WDR70: variants seen among roughly 807,000 people sequenced by gnomAD.
The protein encoded by WDR70 is WD repeat-containing protein 70.
In WDR70, 53 loss-of-function variants were observed where a neutral mutation model predicts 88.6. That is an observed-to-expected ratio of 0.60 (90% CI 0.48 to 0.75). WDR70 has a LOEUF of 0.75. Ranked by LOEUF, WDR70 falls within the 30% of genes least tolerant of loss-of-function variation. WDR70 has a pLI of 0.00. For synonymous variants in WDR70, 280 were observed against 270.0 expected, an observed-to-expected ratio of 1.04 and a Z score of -0.36; for missense variants, 610 against 823.2, an observed-to-expected ratio of 0.74 and a Z score of 3.17.
At chr5:37,395,042 A>G (rs58442984) in intron 4 of WDR70, among the ~76,000 whole-genome samples, 3,864 of 152,336 alleles carry the variant, frequency 0.025, 152 homozygotes, top group African/African-American at 0.088. Context: ...GTTAGATGCT[A>G]GAACAAAACA....
intron 9 of WDR70, among the ~76,000 whole-genome samples, chr5:37,564,385 G>A (rs1201924472): frequency 6.6e-6 from 1 of 152,250 alleles, no homozygotes; most frequent in Non-Finnish European, 1.5e-5. Flanking sequence ...AAACCAGTCA[G>A]GTGTGGCGGC....
chr5:37,742,254 T>C (rs1748503683), intron 17 of WDR70, among the ~76,000 whole-genome samples: 2 of 148,598 alleles, frequency 1.3e-5, no homozygotes, highest in African/African-American at 5.2e-5. Flanking sequence ...ATACTTGTTA[T>C]TATCTGTTGT....
At chr5:37,542,238 A>C (rs1741842076) in intron 9 of WDR70, among the ~76,000 whole-genome samples, 1 of 151,972 alleles carries the variant, frequency 6.6e-6, no homozygotes, top group African/African-American at 2.4e-5. Context: ...GAATATTTAC[A>C]GACATTAAAT....
intron 9 of WDR70, among the ~76,000 whole-genome samples, chr5:37,596,692 T>C (rs61598974): frequency 0.011 from 1,625 of 152,304 alleles, 34 homozygotes; most frequent in African/African-American, 0.037. Context: ...GAGAAGTAGA[T>C]TTATTGATAT....
At chr5:37,398,875 C>T (rs1486824732) in intron 5 of WDR70, among the ~76,000 whole-genome samples, 4 of 152,292 alleles carry the variant, frequency 2.6e-5, no homozygotes, top group East Asian at 3.9e-4. Context: ...GGCACTGTGG[C>T]GCACGCCTGT....
intron 5 of WDR70, among the ~76,000 whole-genome samples, chr5:37,404,680 A>T (rs972134569): frequency 6.6e-6 from 1 of 152,124 alleles, no homozygotes; most frequent in African/African-American, 2.4e-5. Context: ...CTGGAAACTG[A>T]GCCTGTAGCT....
In WDR70 at chr5:37,664,641, A is replaced by G. The variant is rs1745788562; in HGVS notation, c.1093-33014A>G. Among the ~76,000 whole-genome samples the G allele has an allele frequency of 2.6e-5, 4 of 152,040 alleles. No individual in the cohort carries two copies. The South Asian group carries it at 8.3e-4, about 32-fold the overall frequency. On this transcript the variant is annotated intron_variant, in intron 10 of 17. Transcript: ENST00000265107. ...TACTATACAGTTTATGGATATTGCCATTTTTTTGTACAATTTATTGTAGAT... is the reference window on the plus strand; with the variant it reads ...TACTATACAGTTTATGGATATTGCCGTTTTTTTGTACAATTTATTGTAGAT...
At chr5:37,554,568 A>G (rs1742241271) in intron 9 of WDR70, among the ~76,000 whole-genome samples, 1 of 152,170 alleles carries the variant, frequency 6.6e-6, no homozygotes, top group South Asian at 2.1e-4. Context: ...TAAAGTGGTC[A>G]AAGCAAGGCA....
chr5:37,430,352 A>T lies in WDR70; in HGVS notation c.493-7570A>T, dbSNP rs572464129. ...AGAACTGTTGTAGTTAAAGATTTGTATATCTTGGTTTGTGGTTTTAGAATC... is the reference window on the plus strand; with the variant it reads ...AGAACTGTTGTAGTTAAAGATTTGTTTATCTTGGTTTGTGGTTTTAGAATC... On this transcript the variant is annotated intron_variant, in intron 5 of 17. Coordinates refer to ENST00000265107, the MANE Select transcript of WDR70 (RefSeq NM_018034.4). Among the ~76,000 whole-genome samples the T allele has an allele frequency of 2.0e-5, 3 of 152,302 alleles. No individual in the cohort carries two copies. The South Asian group carries it at 6.2e-4, about 32-fold the overall frequency.
intron 9 of WDR70, among the ~76,000 whole-genome samples, chr5:37,520,526 T>TA (rs1212871529): frequency 1.3e-5 from 2 of 152,136 alleles, no homozygotes. Flanking sequence ...TGTTTAAAGT[T>TA]ATGTTTCTTA....
At chr5:37,655,746 T>C (rs762100843) in intron 10 of WDR70, among the ~76,000 whole-genome samples, 3 of 151,922 alleles carry the variant, frequency 2.0e-5, no homozygotes, top group Non-Finnish European at 2.9e-5. Context: ...TATACTTGTG[T>C]ATGCTTCACG....
chr5:37,706,172 T>G (rs1389792466), intron 13 of WDR70, among the ~76,000 whole-genome samples: 1 of 152,246 alleles, frequency 6.6e-6, no homozygotes, highest in East Asian at 1.9e-4. Context: ...TTCTGTTCTC[T>G]GCATTGTCAT....
intron 7 of WDR70, among the ~76,000 whole-genome samples, chr5:37,456,358 G>A (rs1220636741): frequency 1.3e-5 from 2 of 152,116 alleles, no homozygotes; most frequent in Non-Finnish European, 2.9e-5. Context: ...GTGATATTGA[G>A]CTTATATGTC....
chr5:37,684,203 G>A lies in WDR70; in HGVS notation c.1093-13452G>A, dbSNP rs573574996. Among the ~76,000 whole-genome samples, 29 of 152,184 alleles carry A rather than the reference G, an allele frequency of 1.9e-4. 1 individual carries two copies. The South Asian group carries it at 4.6e-3, about 24-fold the overall frequency. On this transcript the variant is annotated intron_variant, in intron 10 of 17. Transcript: ENST00000265107. The stretch of plus-strand genomic sequence containing the variant: ...TGTCTGTCAGTTCCTGTATCATTTT[G>A]TTGTGATTCTTAGTTTATTTGGATT...
chr5:37,657,263 C>T (rs949750666), intron 10 of WDR70, among the ~76,000 whole-genome samples: 1 of 152,120 alleles, frequency 6.6e-6, no homozygotes, highest in African/African-American at 2.4e-5. Context: ...TTTCCTGATC[C>T]CTTGTGCTTC....
At chr5:37,505,565 C>G (rs1351234034) in intron 8 of WDR70, 2 of 658,768 alleles carry the variant, frequency 3.0e-6, no homozygotes, top group South Asian at 3.7e-5. Flanking sequence ...GCATAATTCT[C>G]TCAATGTTTT....
chr5:37,482,047 A>C (rs1448872783), intron 8 of WDR70, among the ~76,000 whole-genome samples: 1 of 152,144 alleles, frequency 6.6e-6, no homozygotes, highest in Non-Finnish European at 1.5e-5. Context: ...CCTCATCTCC[A>C]TCTGAGACCA....
At chr5:37,435,304 C>T (rs1436518603) in intron 5 of WDR70, among the ~76,000 whole-genome samples, 1 of 152,128 alleles carries the variant, frequency 6.6e-6, no homozygotes, top group African/African-American at 2.4e-5. Flanking sequence ...ATGATAGACT[C>T]TTCTGTAAGT....
rs543123941 is a variant in WDR70 at position 37,388,530 on chromosome 5, A to G, written c.176-3470A>G. 6.1e-5 allele frequency among the ~76,000 whole-genome samples: 9 copies of G among 147,204 alleles called. No individual in the cohort carries two copies. The South Asian group carries it at 2.1e-3, about 34-fold the overall frequency. On this transcript the variant is annotated intron_variant, in intron 3 of 17. Transcript: ENST00000265107. The stretch of plus-strand genomic sequence containing the variant: ...TGAGGCAGGTGGATTGCTTGAGGCC[A>G]GGAGTTCGAGACCAGCCTGGCCAAC...
Sources: allele counts gnomAD v4.1 joint callset (sites outside exome capture counted in the v4.1 genomes callset), GRCh38; gene constraint gnomAD v4.1.1; transcripts MANE v1.5; gene names NCBI Gene and HGNC (gene_info 2026-07-23, HGNC 2026-07-21).